Variants in ZNF804B observed in about 807,000 individuals in gnomAD.
ZNF804B encodes zinc finger protein 804B.
A neutral mutation model predicts 101.4 loss-of-function variants in ZNF804B; 80 were observed. The observed-to-expected ratio is 0.79, with a 90% CI of 0.66 to 0.95. ZNF804B has a LOEUF of 0.95. Among genes scored for constraint, ZNF804B ranks in the 40% least tolerant of loss-of-function variants. ZNF804B has a pLI of 0.00. For missense variants in ZNF804B, 1,673 were observed against 1,561.9 expected, an observed-to-expected ratio of 1.07 and a Z score of -1.20; for synonymous variants, 622 against 558.8, an observed-to-expected ratio of 1.11 and a Z score of -1.59.
At chr7:88,906,567 G>T (rs1449848776) in intron 1 of ZNF804B, among the ~76,000 whole-genome samples, 2 of 152,012 alleles carry the variant, frequency 1.3e-5, no homozygotes, top group Non-Finnish European at 2.9e-5. Context: ...TCTTGATTTT[G>T]CTTTCTATTT....
chr7:89,221,257 C>G (rs145695957), intron 2 of ZNF804B, among the ~76,000 whole-genome samples: 4 of 151,794 alleles, frequency 2.6e-5, no homozygotes, highest in Admixed American at 6.6e-5. Context: ...AGATAGATTA[C>G]GTCTGTAAAG....
chr7:89,263,189 G>A (rs771700704), intron 2 of ZNF804B, among the ~76,000 whole-genome samples: 3 of 152,070 alleles, frequency 2.0e-5, no homozygotes, highest in Non-Finnish European at 4.4e-5. Flanking sequence ...TTCCTACCTC[G>A]GGACTTTTCC....
chr7:89,089,051 TTTTTTC>T (rs987668716), intron 1 of ZNF804B, among the ~76,000 whole-genome samples: 5 of 150,700 alleles, frequency 3.3e-5, no homozygotes, highest in African/African-American at 1.2e-4. Context: ...TTTTTCCTTT[TTTTTTC>T]TTTTTTTTTT....
Position 89,022,170 on chromosome 7 carries a change from G to A in ZNF804B, c.109-195985G>A, listed in dbSNP as rs150991599. On this transcript the variant is annotated intron_variant, in intron 1 of 3. Transcript: ENST00000333190. Reference sequence around the variant, plus strand: ...TCTCTACAGTGCCCTCCTGGACTTCGGAGCACCACAGGGACCTCTCATCTC... The same window carrying A: ...TCTCTACAGTGCCCTCCTGGACTTCAGAGCACCACAGGGACCTCTCATCTC... Among the ~76,000 whole-genome samples the A allele has an allele frequency of 2.5e-3, 386 of 152,160 alleles. 1 individual carries two copies. The highest frequency in any genetic ancestry group is 8.6e-3 in the African/African-American group (359 of 41,528).
At chr7:89,212,355 T>C (rs952572748) in intron 1 of ZNF804B, among the ~76,000 whole-genome samples, 6 of 152,010 alleles carry the variant, frequency 3.9e-5, no homozygotes, top group Non-Finnish European at 7.4e-5. Flanking sequence ...TTTCTTCTTC[T>C]CAAGCGTTCT....
At chr7:89,280,771 C>A (rs1189693636) in intron 2 of ZNF804B, among the ~76,000 whole-genome samples, 2 of 152,144 alleles carry the variant, frequency 1.3e-5, no homozygotes, top group African/African-American at 2.4e-5. Flanking sequence ...CAATGGCTTA[C>A]CAATCAAAAA....
intron 1 of ZNF804B, among the ~76,000 whole-genome samples, chr7:89,021,120 G>A (rs557984183): frequency 2.6e-5 from 4 of 152,172 alleles, no homozygotes; most frequent in Non-Finnish European, 5.9e-5. Context: ...CATAGAGAAA[G>A]ACTTATTTCT....
intron 1 of ZNF804B, among the ~76,000 whole-genome samples, chr7:88,975,323 A>G (rs1479925168): frequency 6.6e-6 from 1 of 151,302 alleles, no homozygotes; most frequent in African/African-American, 2.4e-5. Flanking sequence ...CCATATGACC[A>G]TTCTATTTTT....
intron 1 of ZNF804B, among the ~76,000 whole-genome samples, chr7:89,029,285 C>T (rs1788795631): frequency 6.6e-6 from 1 of 151,942 alleles, no homozygotes; most frequent in Admixed American, 6.6e-5. Context: ...TATATTTTTA[C>T]TAGAAATGGG....
chr7:89,028,488 G>A (rs1381536505), intron 1 of ZNF804B, among the ~76,000 whole-genome samples: 1 of 152,124 alleles, frequency 6.6e-6, no homozygotes, highest in Non-Finnish European at 1.5e-5. Context: ...ATACCGTGTG[G>A]GTGGTGCATT....
chr7:88,877,051 T>TATATATATATATATATATATATA (rs1791963315), intron 1 of ZNF804B, among the ~76,000 whole-genome samples: 1 of 40,530 alleles, frequency 2.5e-5, no homozygotes, highest in African/African-American at 1.8e-4. Flanking sequence ...ATATATATAT[T>TATATATATATATATATATATATA]TTTTTTTTTT....
At chr7:89,090,572 T>G (rs1200679335) in intron 1 of ZNF804B, among the ~76,000 whole-genome samples, 1 of 152,052 alleles carries the variant, frequency 6.6e-6, no homozygotes, top group Non-Finnish European at 1.5e-5. Flanking sequence ...AGTAGCCTCA[T>G]GATGATTATT....
chr7:89,018,169 T>G (rs563716722), intron 1 of ZNF804B, among the ~76,000 whole-genome samples: 1 of 152,258 alleles, frequency 6.6e-6, no homozygotes, highest in African/African-American at 2.4e-5. Flanking sequence ...ACATGAACTT[T>G]ATTGTTTTGA....
At chr7:89,152,370 T>G (rs1790891590) in intron 1 of ZNF804B, among the ~76,000 whole-genome samples, 1 of 152,010 alleles carries the variant, frequency 6.6e-6, no homozygotes, top group Non-Finnish European at 1.5e-5. Context: ...TTTTAGGAAC[T>G]AATAGGTCTT....
chr7:89,005,189 A>C lies in ZNF804B; in HGVS notation c.109-212966A>C, dbSNP rs999568698. Reference sequence around the variant, plus strand: ...TATTCTTTCAGAGACTGTAGATCTCAAAGTGAATATAAAAATATTTATTCT... The same window carrying C: ...TATTCTTTCAGAGACTGTAGATCTCCAAGTGAATATAAAAATATTTATTCT... On this transcript the variant is annotated intron_variant, in intron 1 of 3. Coordinates refer to ENST00000333190, the MANE Select transcript of ZNF804B (RefSeq NM_181646.5). 2.7e-4 allele frequency among the ~76,000 whole-genome samples: 41 copies of C among 152,012 alleles called. 1 individual carries two copies. The highest frequency in any genetic ancestry group is 5.9e-4 in the Non-Finnish European group (40 of 67,940).
At chr7:88,781,766 C>T (rs1269194378) in intron 1 of ZNF804B, among the ~76,000 whole-genome samples, 1 of 152,014 alleles carries the variant, frequency 6.6e-6, no homozygotes, top group African/African-American at 2.4e-5. Flanking sequence ...AATATGAAAC[C>T]TGGGATTCTT....
At chr7:89,013,302 T>C (rs1788492927) in intron 1 of ZNF804B, among the ~76,000 whole-genome samples, 2 of 144,608 alleles carry the variant, frequency 1.4e-5, no homozygotes, top group African/African-American at 2.5e-5. Flanking sequence ...ATATGAGAAT[T>C]AGAAAGCTAG....
intron 1 of ZNF804B, among the ~76,000 whole-genome samples, chr7:88,999,107 A>G (rs1788243535): frequency 6.6e-6 from 1 of 152,072 alleles, no homozygotes; most frequent in African/African-American, 2.4e-5. Flanking sequence ...GAGTAACATG[A>G]TATGATGAAA....
At chr7:88,811,006 T>C (rs561873819) in intron 1 of ZNF804B, among the ~76,000 whole-genome samples, 1 of 151,742 alleles carries the variant, frequency 6.6e-6, no homozygotes, top group East Asian at 1.9e-4. Flanking sequence ...AAAACCTTGA[T>C]AGGATAAACT....
Sources: allele counts gnomAD v4.1 joint callset (sites outside exome capture counted in the v4.1 genomes callset), GRCh38; gene constraint gnomAD v4.1.1; transcripts MANE v1.5; gene names NCBI Gene and HGNC (gene_info 2026-07-23, HGNC 2026-07-21).